TEPSIN: variants seen among roughly 807,000 people sequenced by gnomAD.
The protein encoded by TEPSIN is TEPSIN adaptor related protein complex 4 accessory protein.
A neutral mutation model predicts 48.5 loss-of-function variants in TEPSIN; 50 were observed. The observed-to-expected ratio is 1.03, with a 90% CI of 0.82 to 1.31. The LOEUF (loss-of-function observed/expected upper bound fraction) is 1.31, where lower values mean the gene tolerates loss of function less well. TEPSIN is among the 50% of genes most tolerant of loss of function. The pLI is 0.00. For missense variants in TEPSIN, 838 were observed against 815.9 expected, an observed-to-expected ratio of 1.03 and a Z score of -0.33; for synonymous variants, 392 against 358.8, an observed-to-expected ratio of 1.09 and a Z score of -1.05.
chr17:81,235,937 G>A (rs952093508), intron 4 of TEPSIN, among the ~76,000 whole-genome samples: 4 of 152,186 alleles, frequency 2.6e-5, no homozygotes, highest in African/African-American at 9.7e-5. Flanking sequence ...TTTGGGGTGA[G>A]CCCAGTGGAT....
intron 1 of TEPSIN, 107 bp downstream of exon 1, chr17:81,238,879 C>T: frequency 7.3e-7 from 1 of 1,364,636 alleles, no homozygotes. Flanking sequence ...AGCAGCTACC[C>T]GGCGCGGAGA....
At position 81,232,330 on chromosome 17, in the gene TEPSIN, T is replaced by C. The variant is rs1450434108; in HGVS notation, c.715A>G (p.Ile239Val). Reference sequence around the variant, plus strand: ...GCCTCGATACCTCGGGGACCTGGAATGGCCCCGGGGAGTAGGTTCCCCAGG... The same window carrying C: ...GCCTCGATACCTCGGGGACCTGGAACGGCCCCGGGGAGTAGGTTCCCCAGG... ...PTLGNLLPGAIPGPRAVRHQP... is the reference protein window; with the variant it reads ...PTLGNLLPGAVPGPRAVRHQP... Residue 239 changes from isoleucine to valine, a missense_variant, in exon 8 of 13, where the codon ATT (isoleucine) becomes GTT (valine). Physicochemically the swap from Ile to Val is conservative, Grantham distance 29. Coordinates refer to ENST00000637944, the MANE Select transcript of TEPSIN (RefSeq NM_001363764.2). The C allele has an allele frequency of 2.2e-5, 33 of 1,529,790 alleles. No individual in the cohort carries two copies. The highest frequency in any genetic ancestry group is 2.7e-5 in the Non-Finnish European group (31 of 1,142,216). 94.8% of individuals were successfully genotyped at this position (1,529,790 alleles called of 1,614,324 possible).
rs1043143222 is a variant in TEPSIN at position 81,234,387 on chromosome 17, G to A, written c.308-339C>T. Reference sequence around the variant, plus strand: ...CACCAGGGACCCCTCAGAGGCTTCCGGGGCCTGGAGGGAGAAACCAGCGTT... The same window carrying A: ...CACCAGGGACCCCTCAGAGGCTTCCAGGGCCTGGAGGGAGAAACCAGCGTT... On this transcript the variant is annotated intron_variant, in intron 4 of 12. Coordinates refer to ENST00000637944, the MANE Select transcript of TEPSIN (RefSeq NM_001363764.2). The surrounding 1 kb of genome is among the most constrained non-coding windows in gnomAD (Gnocchi z 5.4). 5.3e-5 allele frequency among the ~76,000 whole-genome samples: 8 copies of A among 152,070 alleles called. No homozygotes were observed. The highest frequency in any genetic ancestry group is 1.9e-4 in the East Asian group (1 of 5,182).
At chr17:81,238,708 C>A in intron 1 of TEPSIN, 1 of 1,220,678 alleles carries the variant, frequency 8.2e-7, no homozygotes, top group Non-Finnish European at 1.0e-6. Flanking sequence ...CCGTCGGAGG[C>A]CACTGAATGC....
Position 81,237,022 on chromosome 17 carries a change from G to C in TEPSIN, c.171C>G (p.Leu57=). 2 of 1,598,338 alleles carry C rather than the reference G, an allele frequency of 1.3e-6. No homozygotes were observed. Among genetic ancestry groups the C allele is most frequent in the Non-Finnish European group, 1.7e-6 (2 of 1,173,044 alleles). ...CGGAGCTGCTGTGCAGGCGGCTCAG[G>C]AGGTACTCCAGCAGGCACTGGCTGC... ...PGSSQCLLEY[L]LSRLHSSSGH... Residue 57 remains leucine (L), a synonymous_variant, in exon 3 of 13, where the codon CTC becomes CTG. Coordinates refer to ENST00000637944, the MANE Select transcript of TEPSIN (RefSeq NM_001363764.2).
At chr17:81,236,162 CG>C (rs928610113) in intron 4 of TEPSIN, among the ~76,000 whole-genome samples, 39 of 152,330 alleles carry the variant, frequency 2.6e-4, no homozygotes, top group African/African-American at 8.9e-4. Flanking sequence ...CCCAAGCCTG[CG>C]GGGACAGCTC....
intron 1 of TEPSIN, chr17:81,237,913 T>G: frequency 3.2e-6 from 3 of 937,986 alleles, no homozygotes; most frequent in Non-Finnish European, 3.9e-6. Flanking sequence ...TCAGCGTGAC[T>G]AGCTCCATCG....
chr17:81,234,867 G>C lies in TEPSIN; in HGVS notation c.308-819C>G, dbSNP rs1053624413. ...GACAGAGCAGGAGCATCACCATCTT[G>C]GACAAGCCCCTCATTCTAAAGTTCA... On this transcript the variant is annotated intron_variant, in intron 4 of 12. Transcript: ENST00000637944. The surrounding 1 kb of genome is among the most constrained non-coding windows in gnomAD (Gnocchi z 5.4). Among the ~76,000 whole-genome samples, 3 of 152,048 alleles carry C rather than the reference G, an allele frequency of 2.0e-5. No individual in the cohort carries two copies. The highest frequency in any genetic ancestry group is 4.4e-5 in the Non-Finnish European group (3 of 68,002).
rs754085246 is a variant in TEPSIN at position 81,234,014 on chromosome 17, G to A, written c.342C>T (p.Asn114=). The A allele has an allele frequency of 3.1e-6, 5 of 1,597,914 alleles. No homozygotes were observed. The highest frequency in any genetic ancestry group is 4.3e-6 in the Non-Finnish European group (5 of 1,175,564). ...FAGPPDPLHG[N]SLYQKVRAAA... ...CCGCGCGAACCTTCTGGTACAAGCT[G>A]TTCCCGTGCAGAGGATCTGGGGGCC... Residue 114 remains asparagine (N), a synonymous_variant, in exon 5 of 13, where the codon AAC becomes AAT. Transcript: ENST00000637944. This position sits in a 1 kb window ranked among gnomAD's most constrained non-coding sequence, Gnocchi z 5.4.
chr17:81,228,467 C>T lies in TEPSIN; in HGVS notation c.*461G>A, dbSNP rs997327602. 8.1e-6 allele frequency: 2 copies of T among 247,844 alleles called. No individual in the cohort carries two copies. The highest frequency in any genetic ancestry group is 1.6e-5 in the Non-Finnish European group (2 of 127,540). The allele number at this position is 247,844 out of a possible 1,614,324, so 15.4% of individuals were successfully genotyped here. A position where few individuals can be genotyped will look rare whatever the true frequency, so the allele number is the denominator to read the frequency against. On this transcript the variant is annotated 3_prime_UTR_variant, in exon 13 of 13. Coordinates refer to ENST00000637944, the MANE Select transcript of TEPSIN (RefSeq NM_001363764.2). The stretch of plus-strand genomic sequence containing the variant: ...CTTGAAATGGCCTCAGGCCAGACAG[C>T]ACAAGGCAGCCCGGACAAGACACCC...
intron 1 of TEPSIN, chr17:81,238,224 A>G: frequency 1.0e-6 from 1 of 971,718 alleles, no homozygotes; most frequent in Non-Finnish European, 1.2e-6. Flanking sequence ...CGCATCACTG[A>G]CACTGTTTGC....
At chr17:81,232,822 G>C (rs939430943) in intron 7 of TEPSIN, 2 of 378,112 alleles carry the variant, frequency 5.3e-6, no homozygotes, top group Non-Finnish European at 9.5e-6. Flanking sequence ...GCTCAGGGAG[G>C]GTGTGTCCAG....
In TEPSIN at chr17:81,229,452, A is replaced by G. The variant is rs1165011841; in HGVS notation, c.1258T>C (p.Cys420Arg). 4 of 1,549,482 alleles carry G rather than the reference A, an allele frequency of 2.6e-6. No individual in the cohort carries two copies. Among genetic ancestry groups the G allele is most frequent in the Non-Finnish European group, 2.6e-6 (3 of 1,146,606 alleles). Reference sequence around the variant, plus strand: ...CCCCGGGCAGGGGACAGCTGCCCACAGGAGGCCTCAAAGTGCCTCAGGATC... The same window carrying G: ...CCCCGGGCAGGGGACAGCTGCCCACGGGAGGCCTCAAAGTGCCTCAGGATC... ...TKILRHFEAS[C>R]GQLSPARGTS... Residue 420 changes from cysteine (C) to arginine (R), a missense_variant, in exon 13 of 13, where the codon TGT becomes CGT. Coordinates refer to ENST00000637944, the MANE Select transcript of TEPSIN (RefSeq NM_001363764.2).
At position 81,236,758 on chromosome 17, in the gene TEPSIN, AAGG is replaced by A. The variant is rs774008782; in HGVS notation, c.254_256del (p.Ser85del). 1.9e-6 allele frequency: 3 copies of A among 1,574,912 alleles called. No homozygotes were observed. The highest frequency in any genetic ancestry group is 1.2e-5 in the South Asian group (1 of 85,810). Reference sequence around the variant, plus strand: ...GTTGCGTTTGAGGATGAGCAGGAAGAAGGAGGAGCCGTGGCTGCACAGATAGAG... The same window carrying A: ...GTTGCGTTTGAGGATGAGCAGGAAGAAGGAGCCGTGGCTGCACAGATAGAG... On this transcript the variant is annotated inframe_deletion, in exon 4 of 13. Coordinates refer to ENST00000637944, the MANE Select transcript of TEPSIN (RefSeq NM_001363764.2).
In TEPSIN at chr17:81,230,217, G is replaced by A. The variant is rs1019620265; in HGVS notation, c.1233+327C>T. The A allele has an allele frequency of 1.4e-5, 5 of 351,416 alleles. No homozygotes were observed. Among genetic ancestry groups the A allele is most frequent in the Non-Finnish European group, 2.1e-5 (4 of 189,678 alleles). The allele number at this position is 351,416 out of a possible 1,614,324, so 21.8% of individuals were successfully genotyped here. ...TCATGGGTGGCAAACTGCATGTGCA[G>A]TCAGGGAGGGCTTCCTGGAAGAGGT... is the stretch of plus-strand genomic sequence containing the variant. On this transcript the variant is annotated intron_variant, in intron 12 of 12. Transcript: ENST00000637944. The surrounding 1 kb of genome is among the most constrained non-coding windows in gnomAD (Gnocchi z 4.2).
rs1438208796 is a variant in TEPSIN, at chr17:81,233,949, A to G, written c.375+32T>C. 3.2e-6 allele frequency: 5 copies of G among 1,582,524 alleles called. No individual in the cohort carries two copies. The highest frequency in any genetic ancestry group is 1.2e-5 in the South Asian group (1 of 86,448). ...CCCACCCCTCTACAGGAGGAGGGGC[A>G]CCCCGCAGAGCGACACTGCTCCTGG... On this transcript the variant is annotated intron_variant, in intron 5 of 12. Coordinates refer to ENST00000637944, the MANE Select transcript of TEPSIN (RefSeq NM_001363764.2). This position sits in a 1 kb window ranked among gnomAD's most constrained non-coding sequence, Gnocchi z 5.8.
Position 81,231,385 on chromosome 17 carries a change from G to C in TEPSIN, c.1098+13C>G, listed in dbSNP as rs373829663. 9.1e-6 allele frequency: 14 copies of C among 1,538,502 alleles called. 1 individual carries two copies. The highest frequency in any genetic ancestry group is 4.1e-4 in the Middle Eastern group (2 of 4,850). On this transcript the variant is annotated intron_variant, in intron 11 of 12. Transcript: ENST00000637944. The stretch of plus-strand genomic sequence containing the variant: ...CACACAGTCACGCCCTCCCGCCCGC[G>C]TGTGCAGCTCACCAGCTGCGTGCAT...
In TEPSIN at chr17:81,233,522, T is replaced by C. The variant is rs116837944; in HGVS notation, c.455-19A>G. On this transcript the variant is annotated intron_variant, in intron 6 of 12. Coordinates refer to ENST00000637944, the MANE Select transcript of TEPSIN (RefSeq NM_001363764.2). This position sits in a 1 kb window ranked among gnomAD's most constrained non-coding sequence, Gnocchi z 5.8. The stretch of plus-strand genomic sequence containing the variant: ...CCCATGCCTGCAGAGGGTCCTCCGT[T>C]AGCAGCAAGCCGGCCCCCACCCTCG... 5,055 of 1,581,374 alleles carry C rather than the reference T, an allele frequency of 3.2e-3. 161 individuals carry two copies. In the African/African-American group the frequency reaches 0.061, roughly 19 times the overall value.
chr17:81,238,844 C>A (rs980704492), intron 1 of TEPSIN, 142 bp downstream of exon 1: 2 of 1,350,240 alleles, frequency 1.5e-6, no homozygotes, highest in Non-Finnish European at 1.9e-6. Context: ...AGCTCAGGGG[C>A]GTCGGCGCGG....
Sources: gnomAD v4.1 joint callset for allele counts (sites outside exome capture counted in the v4.1 genomes callset) on GRCh38, gnomAD v4.1.1 for gene constraint, Gnocchi (gnomAD v3.1) non-coding constraint, MANE v1.5 for transcripts, NCBI Gene and HGNC (gene_info 2026-07-23, HGNC 2026-07-21) for gene names.